The following ZNF185 variants were observed in gnomAD, a reference collection of about 807,000 sequenced individuals.
ZNF185 encodes zinc finger protein 185.
A neutral mutation model predicts 58.6 loss-of-function variants in ZNF185; 56 were observed. The observed-to-expected ratio is 0.95, with a 90% confidence interval of 0.77 to 1.19. ZNF185 has a LOEUF of 1.19. Among genes scored for constraint, ZNF185 ranks in the 50% most tolerant of loss-of-function variants. The pLI, the probability that ZNF185 is intolerant of heterozygous loss-of-function variation, is 0.00. For missense variants in ZNF185, 627 were observed against 573.5 expected (o/e 1.09, Z -0.95); for synonymous variants, 230 against 215.9 (o/e 1.07, Z -0.57).
At chrX:152,946,520 C>T (rs1312087918) in intron 16 of ZNF185, among the ~76,000 whole-genome samples, 3 of 112,094 alleles carry the variant, frequency 2.7e-5, no homozygotes, top group African/African-American at 9.7e-5. Context: ...GACTTGCTGT[C>T]ACATTGTGTG....
chrX:152,908,945 C>T, the ZNF185 span, among the ~76,000 whole-genome samples: 1 of 113,279 alleles, frequency 8.8e-6, no homozygotes, highest in Non-Finnish European at 1.9e-5. Flanking sequence ...GGGTGGTGCT[C>T]CAGCAAGGGA....
chrX:152,912,962 G>A (rs1026911711), upstream of ZNF185, among the ~76,000 whole-genome samples: 10 of 113,034 alleles, frequency 8.8e-5, no homozygotes, highest in Non-Finnish European at 1.9e-4. Context: ...GCAGTGATGA[G>A]GTGCCATTCC....
intron 8 of ZNF185, 40 bp from the exon 10 acceptor site, chrX:152,920,667 G>A (rs367604259): frequency 6.2e-5 from 75 of 1,209,554 alleles, no homozygotes; most frequent in Non-Finnish European, 7.7e-5. Flanking sequence ...ACCTGCCCAC[G>A]GGCTCTGCCC....
chrX:152,930,582 G>A (rs1016934133), intron 12 of ZNF185, among the ~76,000 whole-genome samples: 1 of 111,257 alleles, frequency 9.0e-6, no homozygotes, highest in Non-Finnish European at 1.9e-5. Flanking sequence ...GTTAGTGGGT[G>A]TGCAGGCCAG....
the ZNF185 span, among the ~76,000 whole-genome samples, chrX:152,901,760 G>C: frequency 1.8e-5 from 2 of 111,508 alleles, no homozygotes; most frequent in Non-Finnish European, 3.8e-5. Flanking sequence ...TGTGTTGGGC[G>C]CTGGGGCACA....
intron 15 of ZNF185, among the ~76,000 whole-genome samples, chrX:152,942,316 G>A (rs981857840): frequency 2.7e-5 from 3 of 111,954 alleles, no homozygotes; most frequent in African/African-American, 9.7e-5. Context: ...TGAGAGCCTG[G>A]ACTCTGGTGC....
chrX:152,913,796 T>A (rs1352051149), upstream of ZNF185, among the ~76,000 whole-genome samples: 3 of 112,219 alleles, frequency 2.7e-5, no homozygotes, highest in African/African-American at 9.7e-5. Flanking sequence ...GCTTGGCTCC[T>A]TTTCAGGTGG....
In ZNF185 at chrX:152,936,550, T is replaced by G. The variant is rs782613119; in HGVS notation, c.1122-1524T>G. The G allele has an allele frequency of 2.3e-4, 261 of 1,117,518 alleles. 1 individual carries two copies. Among genetic ancestry groups the G allele is most frequent in the Admixed American group, 1.6e-4 (6 of 38,148 alleles). The allele number at this position is 1,117,518 out of a possible 1,213,427, so 92.1% of individuals were successfully genotyped here. On this transcript the variant is annotated intron_variant, in intron 14 of 22. Transcript: ENST00000449285. The stretch of plus-strand genomic sequence containing the variant: ...GCCACTGCCCTAGTGCCCTATCCCA[T>G]TGCCAGACACAGCCTTTGGGGCCCA...
intron 12 of ZNF185, among the ~76,000 whole-genome samples, chrX:152,929,344 G>C (rs1556875386): frequency 3.6e-5 from 4 of 111,565 alleles, no homozygotes; most frequent in Non-Finnish European, 7.6e-5. Flanking sequence ...GAGGCTAGGA[G>C]AGATCCGAGC....
chrX:152,948,034 C>A (rs940473553), intron 16 of ZNF185, among the ~76,000 whole-genome samples: 2 of 111,966 alleles, frequency 1.8e-5, no homozygotes, highest in Non-Finnish European at 1.9e-5. Context: ...TCCAAAAGGT[C>A]TTAAGGAGGA....
chrX:152,941,558 C>G (rs1433228319), intron 15 of ZNF185: 1 of 974,349 alleles, frequency 1.0e-6, no homozygotes, highest in Non-Finnish European at 1.4e-6. Flanking sequence ...CGCGAATGCG[C>G]GCTCGCCACC....
intron 16 of ZNF185, among the ~76,000 whole-genome samples, chrX:152,956,498 G>A (rs1452047425): frequency 4.5e-5 from 5 of 111,678 alleles, no homozygotes; most frequent in African/African-American, 6.5e-5. Context: ...CAGCACTCTC[G>A]GAGGCCGAGG....
chrX:152,936,586 C>A, intron 14 of ZNF185, 73 bp downstream of exon 16: 1 of 938,819 alleles, frequency 1.1e-6, no homozygotes, highest in Non-Finnish European at 1.5e-6. Flanking sequence ...GCCTCAGCTG[C>A]AGCACCCCAG....
chrX:152,959,629 C>T (rs185200579), intron 16 of ZNF185, 70 bp from the exon 19 acceptor site: 92 of 1,085,525 alleles, frequency 8.5e-5, no homozygotes, highest in Admixed American at 3.4e-4. Context: ...TGACAGCCAG[C>T]CTACCTGCCA....
At chrX:152,920,383 G>C in exon 8 of ZNF185, 6 of 1,211,178 alleles carry the variant, frequency 5.0e-6, no homozygotes, top group Non-Finnish European at 6.7e-6. Context: ...GCACTCCTAC[G>C]TCCTGTCAGC....
exon 7 of ZNF185, chrX:152,919,068 G>C: frequency 1.7e-6 from 2 of 1,207,275 alleles, no homozygotes; most frequent in South Asian, 3.5e-5. Context: ...CTCCTCAGAT[G>C]AACAGAAACG....
At chrX:152,912,638 C>T (rs1330564670), upstream of ZNF185, among the ~76,000 whole-genome samples, 6 of 111,508 alleles carry the variant, frequency 5.4e-5, no homozygotes, top group Non-Finnish European at 9.4e-5. Flanking sequence ...AGGTGCCCAG[C>T]GCAAAATAAG....
intron 16 of ZNF185, among the ~76,000 whole-genome samples, chrX:152,951,259 GA>G (rs1255200808): frequency 1.8e-5 from 2 of 110,890 alleles, no homozygotes; most frequent in Non-Finnish European, 1.9e-5. Context: ...CCTAGCCTAA[GA>G]AAATTTTGTT....
chrX:152,933,666 A>G (rs1383987099), intron 14 of ZNF185, among the ~76,000 whole-genome samples: 1 of 112,509 alleles, frequency 8.9e-6, no homozygotes, highest in Non-Finnish European at 1.9e-5. Context: ...TTTAGCTCCA[A>G]ACTATGCTAG....
Sources: gnomAD v4.1 joint callset for allele counts (sites outside exome capture counted in the v4.1 genomes callset) on GRCh38, gnomAD v4.1.1 for gene constraint, MANE v1.5 for transcripts, NCBI Gene and HGNC (gene_info 2026-07-23, HGNC 2026-07-21) for gene names.